TRIM15: variants seen among roughly 807,000 people sequenced by gnomAD.
The protein encoded by TRIM15 is E3 ubiquitin-protein ligase TRIM15.
In TRIM15, 35 loss-of-function variants were observed where a neutral mutation model predicts 35.8. The observed-to-expected ratio is 0.98, with a 90% CI of 0.75 to 1.30. The LOEUF is 1.30. TRIM15 is among the 50% of genes most tolerant of loss of function. The pLI is 0.00. For synonymous variants in TRIM15, 252 were observed against 249.8 expected, an observed-to-expected ratio of 1.01 and a Z score of -0.08; for missense variants, 590 against 593.5, an observed-to-expected ratio of 0.99 and a Z score of 0.06.
chr6:30,167,489 T>C (rs1206493372), intron 2 of TRIM15, among the ~76,000 whole-genome samples: 1 of 152,206 alleles, frequency 6.6e-6, no homozygotes, highest in East Asian at 1.9e-4. Flanking sequence ...GTATATCACA[T>C]TTTACAGAGC....
At position 30,163,761 on chromosome 6, in the gene TRIM15, C is replaced by T. The variant is rs1308727094; in HGVS notation, c.77C>T (p.Ala26Val). Residue 26 changes from alanine to valine, a missense_variant, in exon 1 of 7, where the codon GCG (alanine) becomes GTG (valine). By Grantham distance (64) the Ala-to-Val change is moderately conservative (BLOSUM62 0). Transcript: ENST00000376694. ...CTLCAGPLED[A>V]VTIPCGHTFC... ...CTCTGTGCGGGGCCGCTGGAGGATG[C>T]GGTGACCATTCCCTGTGGACACACC... is the stretch of plus-strand genomic sequence containing the variant. The T allele has an allele frequency of 6.2e-7, 1 of 1,612,954 alleles. No individual in the cohort carries two copies. Among genetic ancestry groups the T allele is most frequent in the South Asian group, 1.1e-5 (1 of 91,082 alleles).
chr6:30,167,076 C>T (rs917106139), intron 1 of TRIM15, 100 bp from the exon 2 acceptor site: 3 of 1,029,326 alleles, frequency 2.9e-6, no homozygotes, highest in Non-Finnish European at 4.4e-6. Flanking sequence ...CACCTTTGAA[C>T]CCCTCAGCAC....
At chr6:30,169,954 T>G in intron 4 of TRIM15, 1 of 178,084 alleles carries the variant, frequency 5.6e-6, no homozygotes, top group Non-Finnish European at 1.2e-5. Context: ...GGTTTAGATC[T>G]AGAAGGGCTT....
chr6:30,163,738 C>T lies in TRIM15; in HGVS notation c.54C>T (p.Leu18=). 1.2e-6 allele frequency: 2 copies of T among 1,612,818 alleles called. No homozygotes were observed. Among genetic ancestry groups the T allele is most frequent in the Non-Finnish European group, 1.7e-6 (2 of 1,179,950 alleles). The change falls in exon 1 of 7, where the codon CTC becomes CTT. Residue 18 remains leucine, a synonymous_variant. Transcript: ENST00000376694. ...KVVHELPACT[L]CAGPLEDAVT... ...TCCATGAGCTGCCTGCCTGTACCCT[C>T]TGTGCGGGGCCGCTGGAGGATGCGG...
chr6:30,171,198 T>C, intron 6 of TRIM15, 190 bp downstream of exon 6: 1 of 614,148 alleles, frequency 1.6e-6, no homozygotes, highest in Non-Finnish European at 2.8e-6. Flanking sequence ...ATCAGTAAAA[T>C]GAAAATAAAA....
chr6:30,169,796 C>T (rs1773882101), intron 4 of TRIM15: 1 of 338,106 alleles, frequency 3.0e-6, no homozygotes, highest in African/African-American at 2.2e-5. Flanking sequence ...CTGCTATAAG[C>T]ATTAGCAGTC....
rs560347970 is a variant in TRIM15, at chr6:30,163,880, G to A, written c.196G>A (p.Ala66Thr). 4 of 1,613,062 alleles carry A rather than the reference G, an allele frequency of 2.5e-6. No individual in the cohort carries two copies. Among genetic ancestry groups the A allele is most frequent in the Non-Finnish European group, 3.4e-6 (4 of 1,180,036 alleles). ...LCPLCQEEEQAETPMAPVPLG... is the reference protein window; with the variant it reads ...LCPLCQEEEQTETPMAPVPLG... ...CCCGCTCTGCCAAGAGGAGGAGCAGGCAGAGACTCCCATGGCCCCTGTGCC... is the reference window on the plus strand; with the variant it reads ...CCCGCTCTGCCAAGAGGAGGAGCAGACAGAGACTCCCATGGCCCCTGTGCC... The change falls in exon 1 of 7, where the codon GCA becomes ACA. Residue 66 changes from alanine (A) to threonine (T), a missense_variant. Coordinates refer to ENST00000376694, the MANE Select transcript of TRIM15 (RefSeq NM_033229.3).
In TRIM15 at chr6:30,172,683, C is replaced by A; in HGVS notation, c.*334C>A. On this transcript the variant is annotated 3_prime_UTR_variant, in exon 7 of 7. Coordinates refer to ENST00000376694, the MANE Select transcript of TRIM15 (RefSeq NM_033229.3). ...AGACATCTAAAATAAAATGTTTAAA[C>A]TGTTTCAAAATAATTATCTTGGGAA... 1 of 522,692 alleles carries A rather than the reference C, an allele frequency of 1.9e-6. No individual in the cohort carries two copies. Among genetic ancestry groups the A allele is most frequent in the South Asian group, 1.8e-5 (1 of 56,484 alleles). The allele number at this position is 522,692 out of a possible 1,614,324, so 32.4% of individuals were successfully genotyped here. A position where few individuals can be genotyped will look rare whatever the true frequency, so the allele number is the denominator to read the frequency against.
chr6:30,168,276 A>C (rs1268331193), intron 2 of TRIM15, 24 bp from the exon 3 acceptor site: 1 of 1,602,384 alleles, frequency 6.2e-7, no homozygotes, highest in African/African-American at 1.3e-5. Context: ...CTTCCTAACC[A>C]TGTCTGCCTT....
chr6:30,167,986 CCA>C (rs1773730014), intron 2 of TRIM15, among the ~76,000 whole-genome samples: 1 of 152,168 alleles, frequency 6.6e-6, no homozygotes, highest in Admixed American at 6.5e-5. Context: ...ACAGTCTTCC[CCA>C]CCTAACTCTA....
At chr6:30,164,752 C>A (rs923345228) in intron 1 of TRIM15, among the ~76,000 whole-genome samples, 3 of 152,194 alleles carry the variant, frequency 2.0e-5, no homozygotes, top group African/African-American at 7.2e-5. Flanking sequence ...TTCCAGTCAC[C>A]TTCCAATCTG....
chr6:30,166,972 T>C (rs1773644633), intron 1 of TRIM15, among the ~76,000 whole-genome samples: 1 of 152,250 alleles, frequency 6.6e-6, no homozygotes, highest in Non-Finnish European at 1.5e-5. Flanking sequence ...TGTGTACCCC[T>C]GGACTATTGC....
intron 2 of TRIM15, among the ~76,000 whole-genome samples, chr6:30,167,840 T>C (rs1299823538): frequency 6.6e-6 from 1 of 152,190 alleles, no homozygotes; most frequent in Non-Finnish European, 1.5e-5. Flanking sequence ...CAAAGCAACC[T>C]ATCCACCATC....
chr6:30,171,296 T>C (rs1773999618), intron 6 of TRIM15, among the ~76,000 whole-genome samples: 1 of 152,250 alleles, frequency 6.6e-6, no homozygotes, highest in Non-Finnish European at 1.5e-5. Context: ...TCATAGTAAG[T>C]GCTCAATTAA....
rs1773320249 is a variant in TRIM15, at chr6:30,163,635, C to T, written c.-50C>T. The T allele has an allele frequency of 5.9e-6, 9 of 1,533,414 alleles. No individual in the cohort carries two copies. The East Asian group carries it at 6.8e-5, about 12-fold the overall frequency. 95.0% of individuals were successfully genotyped at this position (1,533,414 alleles called of 1,614,324 possible). A position where few individuals can be genotyped will look rare whatever the true frequency, so the allele number is the denominator to read the frequency against. On this transcript the variant is annotated 5_prime_UTR_variant, in exon 1 of 7. Coordinates refer to ENST00000376694, the MANE Select transcript of TRIM15 (RefSeq NM_033229.3). ...GTGACTCGATTTCAGGGAAAGGGAA[C>T]TCGCGTGGGCTGAGGAGACCGGAGT...
chr6:30,171,710 G>T, intron 6 of TRIM15, 122 bp from the exon 7 acceptor site: 1 of 1,306,880 alleles, frequency 7.7e-7, no homozygotes, highest in Non-Finnish European at 1.0e-6. Flanking sequence ...GCGGTTCAGA[G>T]AAGTGGCCCA....
rs1343526067 is a variant in TRIM15 at position 30,170,998 on chromosome 6, A to C, written c.870A>C (p.Glu290Asp). ...CAGAAAACTTGGCGCATCATCTGGA[A>C]ATAGATTCAGGTAAACAGCTTGGGA... ...MFSENLAHHL[E>D]IDSGVITLDP... is the part of the protein sequence containing the mutation. Residue 290 changes from glutamate to aspartate, a missense_variant, in exon 6 of 7, where the codon GAA becomes GAC. By Grantham distance (45) the Glu-to-Asp change is conservative (BLOSUM62 2). Coordinates refer to ENST00000376694, the MANE Select transcript of TRIM15 (RefSeq NM_033229.3). The C allele has an allele frequency of 1.9e-6, 3 of 1,611,616 alleles. No homozygotes were observed. The highest frequency in any genetic ancestry group is 1.7e-5 in the Admixed American group (1 of 59,756).
At chr6:30,165,263 G>A (rs1324887250) in intron 1 of TRIM15, among the ~76,000 whole-genome samples, 2 of 152,014 alleles carry the variant, frequency 1.3e-5, no homozygotes, top group Non-Finnish European at 2.9e-5. Context: ...AGTCCCCCAA[G>A]CCCTGACAGG....
chr6:30,172,217 G>A lies in TRIM15; in HGVS notation c.1266G>A (p.Glu422=), dbSNP rs1194400729. Residue 422 remains glutamate (E), a synonymous_variant, in exon 7 of 7, where the codon GAG becomes GAA. Coordinates refer to ENST00000376694, the MANE Select transcript of TRIM15 (RefSeq NM_033229.3). ...GCGTGAGAGTCGCCCTGGACTACGA[G>A]GCGGGGCAGGTGACCCTCCACAACG... The part of the protein sequence containing the change: ...PRGVRVALDY[E]AGQVTLHNAQ... 1 of 1,611,798 alleles carries A rather than the reference G, an allele frequency of 6.2e-7. No individual in the cohort carries two copies. The highest frequency in any genetic ancestry group is 8.5e-7 in the Non-Finnish European group (1 of 1,179,606).
Sources: gnomAD v4.1 joint callset for allele counts (sites outside exome capture counted in the v4.1 genomes callset) on GRCh38, gnomAD v4.1.1 for gene constraint, MANE v1.5 for transcripts, NCBI Gene and HGNC (gene_info 2026-07-23, HGNC 2026-07-21) for gene names.